The following UNC50 variants were observed in gnomAD, a reference collection of about 807,000 sequenced individuals.
The protein encoded by UNC50 is unc-50 inner nuclear membrane RNA binding protein, also known as protein unc-50 homolog.
A neutral mutation model predicts 31.5 loss-of-function variants in UNC50; 24 were observed. The observed-to-expected ratio is 0.76, with a 90% confidence interval of 0.55 to 1.07. The LOEUF (loss-of-function observed/expected upper bound fraction) is 1.07, where lower values mean the gene tolerates loss of function less well. Ranked by LOEUF, UNC50 falls within the 50% of genes least tolerant of loss-of-function variation. The probability of loss-of-function intolerance (pLI) is 0.00; values close to 1 mark genes in which losing one functional copy is unlikely to be tolerated. For missense variants in UNC50, 245 were observed against 304.2 expected, an observed-to-expected ratio of 0.81 and a Z score of 1.45; for synonymous variants, 118 against 114.7, an observed-to-expected ratio of 1.03 and a Z score of -0.18.
chr2:98,613,025 T>C (rs1700861740), intron 3 of UNC50, among the ~76,000 whole-genome samples: 1 of 152,148 alleles, frequency 6.6e-6, no homozygotes, highest in Non-Finnish European at 1.5e-5. Flanking sequence ...TACGTAAAAA[T>C]TTAAAAACTA....
intron 3 of UNC50, among the ~76,000 whole-genome samples, chr2:98,614,570 C>T (rs1700889891): frequency 6.6e-6 from 1 of 152,140 alleles, no homozygotes; most frequent in Admixed American, 6.5e-5. Context: ...GAGGTGAAAA[C>T]CACAGTGCCT....
intron 3 of UNC50, among the ~76,000 whole-genome samples, chr2:98,611,964 C>T (rs1404364376): frequency 1.4e-5 from 2 of 143,022 alleles, no homozygotes; most frequent in Non-Finnish European, 3.1e-5. Flanking sequence ...CACACACACC[C>T]TCCGCCCCCC....
intron 5 of UNC50, 39 bp from the exon 6 acceptor site, chr2:98,618,129 T>A (rs748643922): frequency 4.9e-5 from 73 of 1,477,884 alleles, no homozygotes; most frequent in African/African-American, 2.2e-4. Context: ...ATTTATTTTT[T>A]TTTTTTTTTA....
At chr2:98,610,923 A>G (rs780809058) in intron 3 of UNC50, 28 bp downstream of exon 3, 1 of 1,609,570 alleles carries the variant, frequency 6.2e-7, no homozygotes, top group Non-Finnish European at 8.5e-7. Context: ...GGTTTTTCAG[A>G]TACTGCTGTA....
At position 98,609,797 on chromosome 2, in the gene UNC50, G is replaced by A. The variant is rs944307639; in HGVS notation, c.38G>A (p.Gly13Glu). Residue 13 changes from glycine (G) to glutamate (E), a missense_variant, in exon 2 of 6, where the codon GGG becomes GAG. Coordinates refer to ENST00000357765, the MANE Select transcript of UNC50 (RefSeq NM_014044.7). ...PSTSVNSLVQ[G>E]NGVLNSRDAA... ...ACTTCAGTGAATTCCTTAGTGCAGGGGAACGGAGTCTTGAATTCCAGGGAT... is the reference window on the plus strand; with the variant it reads ...ACTTCAGTGAATTCCTTAGTGCAGGAGAACGGAGTCTTGAATTCCAGGGAT... 6.2e-7 allele frequency: 1 copy of A among 1,614,214 alleles called. No homozygotes were observed. The highest frequency in any genetic ancestry group is 1.1e-5 in the South Asian group (1 of 91,088).
intron 3 of UNC50, among the ~76,000 whole-genome samples, chr2:98,613,130 T>A (rs897282348): frequency 3.8e-4 from 58 of 152,246 alleles, no homozygotes; most frequent in African/African-American, 1.4e-3. Context: ...AGAGCTTTTG[T>A]ATGTGCTAGT....
At chr2:98,608,857 G>A in intron 1 of UNC50, 131 bp downstream of exon 1, 1 of 254,860 alleles carries the variant, frequency 3.9e-6, no homozygotes, top group South Asian at 3.9e-5. Flanking sequence ...CCCTCGGCCG[G>A]CGATAGAGTT....
At chr2:98,611,940 C>T (rs1035818681) in intron 3 of UNC50, among the ~76,000 whole-genome samples, 2 of 150,484 alleles carry the variant, frequency 1.3e-5, no homozygotes, top group Admixed American at 6.6e-5. Context: ...AAAATTCTCT[C>T]TCTTTCTCTC....
chr2:98,611,191 G>A (rs1700822122), intron 3 of UNC50, among the ~76,000 whole-genome samples: 1 of 152,212 alleles, frequency 6.6e-6, no homozygotes, highest in Admixed American at 6.5e-5. Context: ...CAAAGTTAAG[G>A]ACATGCCTGT....
chr2:98,609,656 A>G (rs921691078), intron 1 of UNC50, 100 bp from the exon 2 acceptor site: 5 of 1,565,944 alleles, frequency 3.2e-6, no homozygotes, highest in East Asian at 4.5e-5. Flanking sequence ...TGGGAAGAAC[A>G]TGGAAAGTGA....
chr2:98,610,156 T>C (rs1700801629), intron 2 of UNC50, 117 bp downstream of exon 2: 2 of 1,138,446 alleles, frequency 1.8e-6, no homozygotes, highest in Non-Finnish European at 2.5e-6. Context: ...TCCTTTTTAC[T>C]GAAGCCTCAA....
rs116396381 is a variant in UNC50, at chr2:98,616,497, G to T, written c.607G>T (p.Gly203Cys). 1 of 1,613,906 alleles carries T rather than the reference G, an allele frequency of 6.2e-7. No individual in the cohort carries two copies. The highest frequency in any genetic ancestry group is 1.3e-5 in the African/African-American group (1 of 74,980). Reference protein sequence around the residue: ...VGNTLWLVAVGYYIYVTFLGY... With the variant: ...VGNTLWLVAVCYYIYVTFLGY... ...AAATACCTTATGGTTGGTTGCAGTT[G>T]GCTATTATATCTATGTAACTTTCCT... is the stretch of plus-strand genomic sequence containing the variant. The change falls in exon 5 of 6, where the codon GGC becomes TGC. Residue 203 changes from glycine to cysteine, a missense_variant. Gly to Cys is a radical substitution (Grantham distance 159, BLOSUM62 -3). Coordinates refer to ENST00000357765, the MANE Select transcript of UNC50 (RefSeq NM_014044.7).
At chr2:98,611,454 G>A (rs1700827646) in intron 3 of UNC50, among the ~76,000 whole-genome samples, 3 of 152,204 alleles carry the variant, frequency 2.0e-5, no homozygotes, top group Admixed American at 2.0e-4. Context: ...AGTCATTTAT[G>A]CCTTAATCTG....
chr2:98,615,780 CG>C (rs896994278), intron 3 of UNC50, among the ~76,000 whole-genome samples: 1 of 152,180 alleles, frequency 6.6e-6, no homozygotes, highest in Non-Finnish European at 1.5e-5. Context: ...GATTGTAAAA[CG>C]GCCACAGGCT....
chr2:98,612,446 G>T (rs561528255), intron 3 of UNC50, among the ~76,000 whole-genome samples: 1 of 149,164 alleles, frequency 6.7e-6, no homozygotes, highest in Non-Finnish European at 1.5e-5. Flanking sequence ...GTCCCACTCT[G>T]TCACCCAGGC....
intron 3 of UNC50, among the ~76,000 whole-genome samples, chr2:98,611,134 A>T (rs897569512): frequency 6.6e-6 from 1 of 152,254 alleles, no homozygotes; most frequent in Admixed American, 6.5e-5. Context: ...TTATGTTTTG[A>T]ACCCAAAATA....
intron 3 of UNC50, among the ~76,000 whole-genome samples, chr2:98,613,420 G>A (rs1018051209): frequency 6.6e-6 from 1 of 152,216 alleles, no homozygotes; most frequent in African/African-American, 2.4e-5. Context: ...AGGTTTAATT[G>A]ACTCACAGTT....
At chr2:98,617,209 T>A (rs1430917814) in intron 5 of UNC50, among the ~76,000 whole-genome samples, 1 of 152,218 alleles carries the variant, frequency 6.6e-6, no homozygotes, top group African/African-American at 2.4e-5. Flanking sequence ...ATCTAGAGAC[T>A]GCGCTGTACG....
At position 98,618,433 on chromosome 2, in the gene UNC50, AAT is replaced by A. The variant is rs1186940749; in HGVS notation, c.*136_*137del. 1.1e-6 allele frequency: 1 copy of A among 877,780 alleles called. No homozygotes were observed. Among genetic ancestry groups the A allele is most frequent in the Non-Finnish European group, 1.6e-6 (1 of 630,780 alleles). The allele number at this position is 877,780 out of a possible 1,614,324, so 54.4% of individuals were successfully genotyped here. ...GGTGTAAAGTTTGCAAATTTGAAGA[AAT>A]ATATATTAACACTGTGGTCAGGTAC... is the stretch of plus-strand genomic sequence containing the variant. On this transcript the variant is annotated 3_prime_UTR_variant, in exon 6 of 6. Transcript: ENST00000357765.
Sources: gnomAD v4.1 joint callset for allele counts (sites outside exome capture counted in the v4.1 genomes callset) on GRCh38, gnomAD v4.1.1 for gene constraint, MANE v1.5 for transcripts, NCBI Gene and HGNC (gene_info 2026-07-23, HGNC 2026-07-21) for gene names.